The following CD247 variants were observed in gnomAD, a reference collection of about 807,000 sequenced individuals.
CD247 encodes the protein CD247 molecule.
Under a neutral mutation model 30.0 loss-of-function variants are expected in CD247, and 13 were observed. The observed-to-expected ratio is 0.43, with a 90% CI of 0.28 to 0.69. The LOEUF is 0.69. Among genes scored for constraint, CD247 ranks in the 30% least tolerant of loss-of-function variants. The pLI is 0.16. For synonymous variants in CD247, 72 were observed against 80.0 expected, an observed-to-expected ratio of 0.90 and a Z score of 0.53; for missense variants, 193 against 212.6, an observed-to-expected ratio of 0.91 and a Z score of 0.57.
At chr1:167,451,629 A>G (rs1223859528) in intron 1 of CD247, among the ~76,000 whole-genome samples, 1 of 152,160 alleles carries the variant, frequency 6.6e-6, no homozygotes, top group African/African-American at 2.4e-5. Flanking sequence ...AACACTAATA[A>G]TCCCTAAGCC....
At chr1:167,466,871 G>T (rs945306234) in intron 1 of CD247, among the ~76,000 whole-genome samples, 6 of 149,002 alleles carry the variant, frequency 4.0e-5, no homozygotes, top group Non-Finnish European at 8.9e-5. Context: ...ACGAAGTCTC[G>T]CTCTGTCGCC....
Position 167,485,565 on chromosome 1 carries a change from C to T in CD247, c.58+32843G>A, listed in dbSNP as rs1654168662. 3.9e-5 allele frequency among the ~76,000 whole-genome samples: 6 copies of T among 152,252 alleles called. No homozygotes were observed. The Middle Eastern group carries it at 0.02, about 518-fold the overall frequency. On this transcript the variant is annotated intron_variant, in intron 1 of 7. Transcript: ENST00000362089. ...TCACACACCTGCCTTTCCTGAAACACTGAGAGCTGCCTGAGATTAGGGAGC... is the reference window on the plus strand; with the variant it reads ...TCACACACCTGCCTTTCCTGAAACATTGAGAGCTGCCTGAGATTAGGGAGC...
chr1:167,503,914 G>A (rs1379827857), intron 1 of CD247, among the ~76,000 whole-genome samples: 1 of 152,160 alleles, frequency 6.6e-6, no homozygotes, highest in Non-Finnish European at 1.5e-5. Flanking sequence ...GTCACGGCTG[G>A]TGTTTCCTGG....
At chr1:167,458,009 T>C (rs1034743021) in intron 1 of CD247, among the ~76,000 whole-genome samples, 2 of 152,194 alleles carry the variant, frequency 1.3e-5, no homozygotes, top group Non-Finnish European at 1.5e-5. Context: ...ACCTATGAGT[T>C]CGAAGAGACC....
At chr1:167,436,114 CA>C (rs1380796845) in intron 4 of CD247, among the ~76,000 whole-genome samples, 3 of 152,300 alleles carry the variant, frequency 2.0e-5, no homozygotes, top group Middle Eastern at 3.4e-3. Flanking sequence ...AAGGATCATT[CA>C]GTGTGATCAA....
At chr1:167,444,573 C>G (rs1305839818) in intron 1 of CD247, among the ~76,000 whole-genome samples, 1 of 152,198 alleles carries the variant, frequency 6.6e-6, no homozygotes, top group South Asian at 2.1e-4. Flanking sequence ...CTCACACAGA[C>G]TCTCAATCCA....
intron 1 of CD247, among the ~76,000 whole-genome samples, chr1:167,516,504 A>G (rs1486059916): frequency 6.6e-6 from 1 of 152,248 alleles, no homozygotes; most frequent in African/African-American, 2.4e-5. Context: ...AAAAGAGAGA[A>G]GACCTGACTG....
chr1:167,462,788 G>A (rs34429962), intron 1 of CD247, among the ~76,000 whole-genome samples: 5,115 of 152,170 alleles, frequency 0.034, 299 homozygotes, highest in African/African-American at 0.12. Flanking sequence ...AAGCCCTTCC[G>A]GCCCTCATCC....
intron 1 of CD247, among the ~76,000 whole-genome samples, chr1:167,464,508 T>G (rs1156263312): frequency 6.6e-6 from 1 of 152,182 alleles, no homozygotes; most frequent in Non-Finnish European, 1.5e-5. Context: ...GGAAACTCCA[T>G]GGGGAGAAGC....
At chr1:167,452,976 T>C (rs1652428524) in intron 1 of CD247, among the ~76,000 whole-genome samples, 1 of 149,592 alleles carries the variant, frequency 6.7e-6, no homozygotes, top group South Asian at 2.1e-4. Context: ...CATATATACA[T>C]AGAGAGCAAT....
At chr1:167,439,321 G>T in intron 3 of CD247, 23 bp downstream of exon 3, 1 of 1,610,840 alleles carries the variant, frequency 6.2e-7, no homozygotes. Context: ...CTTTCCGGAG[G>T]GTCTACGGCG....
chr1:167,511,771 C>A (rs895375252), intron 1 of CD247, among the ~76,000 whole-genome samples: 12 of 151,998 alleles, frequency 7.9e-5, no homozygotes, highest in African/African-American at 2.9e-4. Flanking sequence ...AAGGTGCAGA[C>A]CCTGTACGAG....
intron 3 of CD247, among the ~76,000 whole-genome samples, chr1:167,438,931 G>C (rs1219389522): frequency 6.6e-6 from 1 of 152,148 alleles, no homozygotes; most frequent in Non-Finnish European, 1.5e-5. Flanking sequence ...TGAGCAAATA[G>C]AGAAGTGGGG....
At chr1:167,437,197 G>T (rs746526548) in intron 4 of CD247, among the ~76,000 whole-genome samples, 1 of 152,070 alleles carries the variant, frequency 6.6e-6, no homozygotes, top group Non-Finnish European at 1.5e-5. Context: ...GAGGTCGAAA[G>T]TTCGAGACCA....
chr1:167,433,850 T>C (rs183010751), intron 6 of CD247, among the ~76,000 whole-genome samples, 170 bp downstream of exon 6: 1 of 152,300 alleles, frequency 6.6e-6, no homozygotes, highest in East Asian at 1.9e-4. Flanking sequence ...TTCCTTAGTT[T>C]CTTATGTTCT....
chr1:167,453,324 C>G (rs1002922840), intron 1 of CD247, among the ~76,000 whole-genome samples: 4 of 152,154 alleles, frequency 2.6e-5, no homozygotes, highest in African/African-American at 9.7e-5. Flanking sequence ...CTCCCGCAGT[C>G]AAACAGCTCA....
intron 1 of CD247, among the ~76,000 whole-genome samples, chr1:167,511,383 G>A (rs1170395779): frequency 1.3e-5 from 2 of 152,136 alleles, no homozygotes; most frequent in Non-Finnish European, 2.9e-5. Context: ...GTGCATACCT[G>A]CACACACAGG....
At chr1:167,444,712 G>A (rs1002325226) in intron 1 of CD247, among the ~76,000 whole-genome samples, 4 of 152,200 alleles carry the variant, frequency 2.6e-5, no homozygotes, top group Admixed American at 6.5e-5. Context: ...GCATGTGAGA[G>A]GGAAGCCCTG....
At chr1:167,449,156 T>TTTTTTTTTTTTTTTTTTTTTTTTTTC (rs1652238529) in intron 1 of CD247, among the ~76,000 whole-genome samples, 3 of 113,596 alleles carry the variant, frequency 2.6e-5, no homozygotes, top group African/African-American at 7.3e-5. Flanking sequence ...TTTCTTTTTT[T>TTTTTTTTTTTTTTTTTTTTTTTTTTC]TTTTTTTTTT....
Sources: gnomAD v4.1 joint callset for allele counts (sites outside exome capture counted in the v4.1 genomes callset) on GRCh38, gnomAD v4.1.1 for gene constraint, MANE v1.5 for transcripts, NCBI Gene and HGNC (gene_info 2026-07-23, HGNC 2026-07-21) for gene names.